AGMO: variants seen among roughly 807,000 people sequenced by gnomAD.
AGMO encodes glyceryl-ether monooxygenase.
In AGMO, 75 loss-of-function variants were observed where a neutral mutation model predicts 60.2. That is an observed-to-expected ratio of 1.25 (90% CI 1.03 to 1.51). The LOEUF (loss-of-function observed/expected upper bound fraction) is 1.51. AGMO is among the 40% of genes most tolerant of loss of function. AGMO has a pLI of 0.00. For synonymous variants in AGMO, 261 were observed against 177.1 expected, an observed-to-expected ratio of 1.47 and a Z score of -3.76; for missense variants, 763 against 525.5, an observed-to-expected ratio of 1.45 and a Z score of -4.42.
chr7:15,469,804 C>A (rs893911012), intron 3 of AGMO, among the ~76,000 whole-genome samples: 1 of 151,894 alleles, frequency 6.6e-6, no homozygotes, highest in Non-Finnish European at 1.5e-5. Flanking sequence ...TTTGAAGGGG[C>A]TAGGAGATAT....
chr7:15,288,598 G>A (rs914702223), intron 12 of AGMO, among the ~76,000 whole-genome samples: 1 of 151,938 alleles, frequency 6.6e-6, no homozygotes, highest in Non-Finnish European at 1.5e-5. Context: ...AGACATGAAA[G>A]GAGAAAGAAT....
At chr7:15,291,442 T>C (rs1784260112) in intron 12 of AGMO, among the ~76,000 whole-genome samples, 1 of 152,212 alleles carries the variant, frequency 6.6e-6, no homozygotes, top group African/African-American at 2.4e-5. Context: ...GTGTTCTTCT[T>C]AAGTATGACT....
At chr7:15,262,213 TTGTATAC>T (rs1367754519) in intron 12 of AGMO, among the ~76,000 whole-genome samples, 10 of 152,046 alleles carry the variant, frequency 6.6e-5, no homozygotes, top group Non-Finnish European at 1.3e-4. Context: ...GCTGATGTGA[TTGTATAC>T]TTAGAAAGCC....
intron 12 of AGMO, among the ~76,000 whole-genome samples, chr7:15,256,236 G>C (rs956065883): frequency 6.6e-6 from 1 of 152,208 alleles, no homozygotes; most frequent in African/African-American, 2.4e-5. Flanking sequence ...GTTTTGTAAA[G>C]AACATCTCCA....
chr7:15,497,936 A>G (rs1380454203), intron 3 of AGMO, among the ~76,000 whole-genome samples: 5 of 152,046 alleles, frequency 3.3e-5, no homozygotes, highest in African/African-American at 1.2e-4. Flanking sequence ...GTTTGGAACA[A>G]TACTTTTATG....
chr7:15,233,755 C>T (rs748259802), intron 12 of AGMO, among the ~76,000 whole-genome samples: 1 of 152,094 alleles, frequency 6.6e-6, no homozygotes, highest in Non-Finnish European at 1.5e-5. Flanking sequence ...ATTTAAGATA[C>T]TATAGAACAT....
intron 12 of AGMO, among the ~76,000 whole-genome samples, chr7:15,286,027 G>T (rs939022032): frequency 6.6e-6 from 1 of 152,086 alleles, no homozygotes; most frequent in Non-Finnish European, 1.5e-5. Context: ...GCCATATGTA[G>T]AAGAATAAAA....
intron 10 of AGMO, among the ~76,000 whole-genome samples, chr7:15,381,633 G>C (rs1322816017): frequency 6.6e-6 from 1 of 151,876 alleles, no homozygotes; most frequent in Non-Finnish European, 1.5e-5. Context: ...CAAAGACAAA[G>C]ACAGGAATAC....
the AGMO span, among the ~76,000 whole-genome samples, chr7:15,163,688 T>G: frequency 3.3e-5 from 5 of 152,142 alleles, no homozygotes; most frequent in Admixed American, 3.3e-4. Flanking sequence ...TCATGATGTA[T>G]TATCTTTTTC....
At chr7:15,174,300 T>C in the AGMO span, among the ~76,000 whole-genome samples, 1 of 152,046 alleles carries the variant, frequency 6.6e-6, no homozygotes, top group African/African-American at 2.4e-5. Context: ...AAGTTAACCC[T>C]TTTACCTGAG....
chr7:15,403,144 C>A (rs1784598725), intron 5 of AGMO, among the ~76,000 whole-genome samples: 1 of 151,914 alleles, frequency 6.6e-6, no homozygotes, highest in South Asian at 2.1e-4. Flanking sequence ...AATTTATAAT[C>A]AATTTGAACT....
At chr7:15,390,031 CTT>C (rs1008040676) in intron 8 of AGMO, among the ~76,000 whole-genome samples, 1 of 152,106 alleles carries the variant, frequency 6.6e-6, no homozygotes, top group Non-Finnish European at 1.5e-5. Flanking sequence ...GTATTCTTAT[CTT>C]TTTCTCATTT....
chr7:15,310,457 GT>G (rs1169072383), intron 12 of AGMO, among the ~76,000 whole-genome samples: 1 of 152,068 alleles, frequency 6.6e-6, no homozygotes, highest in African/African-American at 2.4e-5. Context: ...TGGATTTAAG[GT>G]AAGGAGTATC....
At chr7:15,406,022 ACATTTT>A (rs1784675335) in intron 5 of AGMO, among the ~76,000 whole-genome samples, 1 of 151,828 alleles carries the variant, frequency 6.6e-6, no homozygotes, top group African/African-American at 2.4e-5. Context: ...TTCACAACAG[ACATTTT>A]TTAATAAAGA....
intron 5 of AGMO, among the ~76,000 whole-genome samples, chr7:15,397,029 C>G (rs1272044325): frequency 2.0e-5 from 3 of 152,144 alleles, no homozygotes; most frequent in African/African-American, 7.2e-5. Flanking sequence ...TTTAGCTACA[C>G]AGAAAAGTTC....
chr7:15,162,977 A>G, the AGMO span, among the ~76,000 whole-genome samples: 2 of 152,068 alleles, frequency 1.3e-5, no homozygotes, highest in Non-Finnish European at 2.9e-5. Context: ...ATTTATTTGT[A>G]TCATCTATCT....
intron 12 of AGMO, among the ~76,000 whole-genome samples, chr7:15,275,492 T>A (rs1442244068): frequency 6.6e-6 from 1 of 152,108 alleles, no homozygotes. Context: ...GAATGTCCCA[T>A]GCACAGATGA....
At chr7:15,393,843 T>C (rs1247709681) in intron 6 of AGMO, among the ~76,000 whole-genome samples, 5 of 152,152 alleles carry the variant, frequency 3.3e-5, no homozygotes, top group Admixed American at 1.3e-4. Context: ...GGTTAACTCA[T>C]TTTCTACAAC....
chr7:15,141,455 C>A, the AGMO span, among the ~76,000 whole-genome samples: 2 of 151,854 alleles, frequency 1.3e-5, no homozygotes, highest in Non-Finnish European at 2.9e-5. Flanking sequence ...TGGTGGCGGG[C>A]GCCTGTAGTC....
Sources: allele counts gnomAD v4.1 joint callset (sites outside exome capture counted in the v4.1 genomes callset), GRCh38; gene constraint gnomAD v4.1.1; transcripts MANE v1.5; gene names NCBI Gene and HGNC (gene_info 2026-07-23, HGNC 2026-07-21).